Variants in MAPK9 observed in about 807,000 individuals in gnomAD.
MAPK9 encodes Jun kinase.
Under a neutral mutation model 57.1 loss-of-function variants are expected in MAPK9, and 30 were observed. The ratio of observed to expected loss-of-function variants is 0.53; its 90% CI spans 0.39 to 0.71. The LOEUF (loss-of-function observed/expected upper bound fraction) is 0.71, where lower values mean the gene tolerates loss of function less well. Ranked by LOEUF, MAPK9 falls within the 30% of genes least tolerant of loss-of-function variation. The probability of loss-of-function intolerance (pLI) is 0.00; values close to 1 mark genes in which losing one functional copy is unlikely to be tolerated. For synonymous variants in MAPK9, 155 were observed against 177.0 expected (o/e 0.88, Z 0.99); for missense variants, 362 against 521.0 (o/e 0.69, Z 2.97).
rs762271959 is a variant in MAPK9 at position 180,247,966 on chromosome 5, C to T, written c.617-456G>A. On this transcript the variant is annotated intron_variant, in intron 6 of 11. Coordinates refer to ENST00000452135, the MANE Select transcript of MAPK9 (RefSeq NM_002752.5). This position sits in a 1 kb window ranked among gnomAD's most constrained non-coding sequence, Gnocchi z 4.5. ...GGGATTAAAAACCAGCTAGAGTCCC[C>T]CATCTTTTTTCTTCAAACCCCCTCC... 1 of 1,597,312 alleles carries T rather than the reference C, an allele frequency of 6.3e-7. No individual in the cohort carries two copies. The highest frequency in any genetic ancestry group is 1.7e-5 in the Admixed American group (1 of 58,078).
chr5:180,279,473 C>T (rs1762121456), intron 2 of MAPK9, among the ~76,000 whole-genome samples: 1 of 152,172 alleles, frequency 6.6e-6, no homozygotes, highest in South Asian at 2.1e-4. Context: ...TTTCCCTGAT[C>T]ATAGGTCTCC....
rs1251074046 is a variant in MAPK9, at chr5:180,234,532, G to C, written c.*1852C>G. On this transcript the variant is annotated 3_prime_UTR_variant, in exon 12 of 12. Coordinates refer to ENST00000452135, the MANE Select transcript of MAPK9 (RefSeq NM_002752.5). ...TCGTCCCCCGTCCACGTCTCCCGGG[G>C]AGGGAGCATCACACAGTGCAGGGCA... 2 of 152,280 alleles carry C rather than the reference G, an allele frequency of 1.3e-5. No individual in the cohort carries two copies. Among genetic ancestry groups the C allele is most frequent in the African/African-American group, 4.8e-5 (2 of 41,470 alleles). 9.4% of individuals were successfully genotyped at this position (152,280 alleles called of 1,614,324 possible). A position where few individuals can be genotyped will look rare whatever the true frequency, so the allele number is the denominator to read the frequency against.
chr5:180,268,396 C>T (rs760171612), intron 3 of MAPK9, among the ~76,000 whole-genome samples: 10 of 152,184 alleles, frequency 6.6e-5, no homozygotes, highest in Non-Finnish European at 1.5e-4. Context: ...TTAGTTGTTT[C>T]TCAATTTGTT....
intron 2 of MAPK9, among the ~76,000 whole-genome samples, chr5:180,274,290 G>A (rs1415460898): frequency 6.6e-6 from 1 of 152,154 alleles, no homozygotes; most frequent in East Asian, 1.9e-4. Flanking sequence ...TACATATACT[G>A]ACCCTGCATC....
chr5:180,276,137 C>T (rs1381602464), intron 2 of MAPK9, among the ~76,000 whole-genome samples: 1 of 152,198 alleles, frequency 6.6e-6, no homozygotes, highest in Non-Finnish European at 1.5e-5. Context: ...TGCCTCAAAC[C>T]ATGTCTCCTT....
intron 5 of MAPK9, among the ~76,000 whole-genome samples, chr5:180,251,148 A>G (rs1424110931): frequency 6.6e-6 from 1 of 152,166 alleles, no homozygotes; most frequent in African/African-American, 2.4e-5. Flanking sequence ...TGGCGGGAGA[A>G]GCAGAAACAG....
chr5:180,248,008 C>T (rs1352542963), intron 6 of MAPK9: 24 of 1,351,732 alleles, frequency 1.8e-5, no homozygotes, highest in Non-Finnish European at 2.5e-5. Context: ...AAACCCGGTA[C>T]ACGTCACTAG....
rs181410151 is a variant in MAPK9, at chr5:180,282,560, T to C, written c.-47-1952A>G. On this transcript the variant is annotated intron_variant, in intron 1 of 11. Transcript: ENST00000452135. ...GGCGGCATCCGCCCTCAGACTCTTT[T>C]GCCAGAGATGGACAGTAGAGCCACA... Among the ~76,000 whole-genome samples, 3 of 152,332 alleles carry C rather than the reference T, an allele frequency of 2.0e-5. No individual in the cohort carries two copies. In the East Asian group the frequency reaches 5.8e-4, roughly 29 times the overall value.
intron 1 of MAPK9, among the ~76,000 whole-genome samples, chr5:180,287,553 C>G: frequency 6.6e-6 from 1 of 152,150 alleles, no homozygotes; most frequent in East Asian, 1.9e-4. Flanking sequence ...GTCCTCTGGC[C>G]CAATCTTAGG....
intron 5 of MAPK9, among the ~76,000 whole-genome samples, chr5:180,250,602 G>A (rs1758570510): frequency 6.6e-6 from 1 of 152,108 alleles, no homozygotes; most frequent in Admixed American, 6.5e-5. Flanking sequence ...GAAGGCTGTG[G>A]GGCTGTCATC....
chr5:180,279,946 C>T (rs1483807055), intron 2 of MAPK9: 1 of 456,596 alleles, frequency 2.2e-6, no homozygotes, highest in African/African-American at 2.0e-5. Context: ...ACCCCTCACA[C>T]AGCATCCCTT....
At chr5:180,272,924 A>G (rs904359819) in intron 2 of MAPK9, among the ~76,000 whole-genome samples, 2 of 152,088 alleles carry the variant, frequency 1.3e-5, no homozygotes, top group African/African-American at 4.8e-5. Context: ...CGTTTCTACA[A>G]ATTTGTACAG....
intron 5 of MAPK9, among the ~76,000 whole-genome samples, chr5:180,258,796 G>A (rs1759581373): frequency 6.7e-6 from 1 of 150,310 alleles, no homozygotes; most frequent in Non-Finnish European, 1.5e-5. Context: ...GGAGGCTGAG[G>A]CAGGCAGATC....
intron 1 of MAPK9, 64 bp from the exon 2 acceptor site, chr5:180,280,672 G>C: frequency 7.5e-7 from 1 of 1,332,204 alleles, no homozygotes; most frequent in Non-Finnish European, 1.0e-6. Flanking sequence ...TCACGTAAGA[G>C]AGTTCTGAAC....
chr5:180,291,536 C>T (rs1001160523), intron 1 of MAPK9, among the ~76,000 whole-genome samples: 1 of 152,142 alleles, frequency 6.6e-6, no homozygotes, highest in African/African-American at 2.4e-5. Context: ...GGACGCGACC[C>T]CGGGCCCCTG....
chr5:180,253,194 G>A (rs1407634282), intron 5 of MAPK9, among the ~76,000 whole-genome samples: 3 of 152,316 alleles, frequency 2.0e-5, no homozygotes, highest in East Asian at 1.9e-4. Flanking sequence ...GAGCTGCACC[G>A]CAGTCTGGAC....
intron 3 of MAPK9, among the ~76,000 whole-genome samples, chr5:180,267,543 C>CA (rs1432293914): frequency 1.8e-5 from 2 of 111,752 alleles, no homozygotes; most frequent in Admixed American, 2.6e-4. Context: ...GGTTGGGCGA[C>CA]AGAGCGAGAC....
chr5:180,269,538 G>A (rs1037962093), intron 2 of MAPK9, 129 bp from the exon 3 acceptor site: 1 of 861,062 alleles, frequency 1.2e-6, no homozygotes, highest in Admixed American at 2.5e-5. Flanking sequence ...TTCATTCAAG[G>A]TACTTGCACA....
At chr5:180,240,509 T>A (rs1017253617) in intron 9 of MAPK9, among the ~76,000 whole-genome samples, 7 of 152,244 alleles carry the variant, frequency 4.6e-5, no homozygotes, top group Admixed American at 4.6e-4. Context: ...ATTTCACTCA[T>A]GGCATGAAGG....
Sources: allele counts gnomAD v4.1 joint callset (sites outside exome capture counted in the v4.1 genomes callset), GRCh38; gene constraint gnomAD v4.1.1; non-coding constraint Gnocchi (gnomAD v3.1); transcripts MANE v1.5; gene names NCBI Gene and HGNC (gene_info 2026-07-23, HGNC 2026-07-21).